Variants in ELMO1 observed in about 807,000 individuals in gnomAD.
ELMO1 encodes engulfment and cell motility 1.
ELMO1 carries 26 observed loss-of-function variants against 98.9 expected under a neutral mutation model. That is an observed-to-expected ratio of 0.26 (90% CI 0.19 to 0.36). The LOEUF (loss-of-function observed/expected upper bound fraction) is 0.36, where lower values mean the gene tolerates loss of function less well. Ranked by LOEUF, ELMO1 falls within the 10% of genes least tolerant of loss-of-function variation. ELMO1 has a pLI of 1.00. For missense variants in ELMO1, 627 were observed against 935.2 expected (o/e 0.67, Z 4.30); for synonymous variants, 346 against 346.0 (o/e 1.00, Z 0.00).
intron 1 of ELMO1, among the ~76,000 whole-genome samples, chr7:37,370,192 G>A (rs971656867): frequency 6.6e-6 from 1 of 152,150 alleles, no homozygotes; most frequent in African/African-American, 2.4e-5. Context: ...TCACAATGCG[G>A]CTCTGCCCTT....
intron 16 of ELMO1, among the ~76,000 whole-genome samples, chr7:36,910,906 AT>A (rs1173044983): frequency 1.3e-5 from 2 of 152,006 alleles, no homozygotes; most frequent in Non-Finnish European, 2.9e-5. Flanking sequence ...ACCTCTCTGT[AT>A]TTTTCCCCCA....
chr7:36,973,852 G>C (rs1030505576), intron 16 of ELMO1, among the ~76,000 whole-genome samples: 2 of 152,238 alleles, frequency 1.3e-5, no homozygotes, highest in Non-Finnish European at 1.5e-5. Flanking sequence ...CGGCCCTGCC[G>C]TTGCCGAGCA....
At chr7:37,112,320 A>C (rs557816384) in intron 14 of ELMO1, among the ~76,000 whole-genome samples, 15 of 152,258 alleles carry the variant, frequency 9.9e-5, no homozygotes, top group African/African-American at 3.4e-4. Context: ...AAAACTAATG[A>C]AAGAGGAGCC....
intron 18 of ELMO1, among the ~76,000 whole-genome samples, chr7:36,883,595 C>T (rs2129048429): frequency 6.6e-6 from 1 of 152,056 alleles, no homozygotes; most frequent in East Asian, 1.9e-4. Flanking sequence ...GTGGCACCTC[C>T]TCCTCCCTCT....
intron 4 of ELMO1, among the ~76,000 whole-genome samples, chr7:37,289,240 TCC>T (rs1797552793): frequency 6.6e-6 from 1 of 152,156 alleles, no homozygotes; most frequent in Non-Finnish European, 1.5e-5. Context: ...AACAACCCCT[TCC>T]CCTCTCTCAC....
intron 4 of ELMO1, among the ~76,000 whole-genome samples, chr7:37,277,632 G>T (rs553612897): frequency 6.6e-6 from 1 of 152,136 alleles, no homozygotes; most frequent in Non-Finnish European, 1.5e-5. Context: ...CAATATGGCC[G>T]GCATATCTGT....
intron 16 of ELMO1, among the ~76,000 whole-genome samples, chr7:36,916,207 A>C (rs1031314078): frequency 6.6e-6 from 1 of 152,170 alleles, no homozygotes. Context: ...TAATTTAGGT[A>C]ATTCTTTTGG....
At chr7:37,385,409 CACA>C (rs374215194) in intron 1 of ELMO1, among the ~76,000 whole-genome samples, 129 of 152,308 alleles carry the variant, frequency 8.5e-4, no homozygotes, top group African/African-American at 3.0e-3. Flanking sequence ...TTCAGCTGCC[CACA>C]ACATTTCCCG....
intron 5 of ELMO1, among the ~76,000 whole-genome samples, chr7:37,261,881 C>T (rs1340487696): frequency 1.3e-5 from 2 of 152,182 alleles, no homozygotes; most frequent in Non-Finnish European, 2.9e-5. Flanking sequence ...GGATTACAGG[C>T]GTGAGCCACC....
intron 13 of ELMO1, among the ~76,000 whole-genome samples, chr7:37,187,610 A>G (rs1791294099): frequency 6.7e-6 from 1 of 149,296 alleles, no homozygotes; most frequent in South Asian, 2.1e-4. Flanking sequence ...TACTATAGAT[A>G]TTACTATAAC....
intron 4 of ELMO1, among the ~76,000 whole-genome samples, chr7:37,290,790 G>A (rs2130949743): frequency 6.6e-6 from 1 of 152,184 alleles, no homozygotes; most frequent in East Asian, 1.9e-4. Context: ...ATTCTAATGG[G>A]ATTTGACAAG....
intron 21 of ELMO1, among the ~76,000 whole-genome samples, chr7:36,861,135 T>C (rs532702042): frequency 6.6e-6 from 1 of 152,360 alleles, no homozygotes; most frequent in Non-Finnish European, 1.5e-5. Flanking sequence ...ATTTTAAATA[T>C]AGCTGACAGC....
At chr7:37,108,254 C>T (rs1468105057) in intron 14 of ELMO1, among the ~76,000 whole-genome samples, 1 of 152,176 alleles carries the variant, frequency 6.6e-6, no homozygotes, top group African/African-American at 2.4e-5. Flanking sequence ...GGATCTCCCT[C>T]TGGTACAGCT....
At chr7:37,068,527 T>C (rs1464342819) in intron 15 of ELMO1, among the ~76,000 whole-genome samples, 2 of 152,196 alleles carry the variant, frequency 1.3e-5, no homozygotes, top group Non-Finnish European at 2.9e-5. Flanking sequence ...TTAAGGCAGA[T>C]GAATTTTAGC....
At chr7:37,011,483 CATA>C (rs1298511099) in intron 16 of ELMO1, among the ~76,000 whole-genome samples, 3 of 152,204 alleles carry the variant, frequency 2.0e-5, no homozygotes, top group Admixed American at 1.3e-4. Flanking sequence ...GCAGAACTTT[CATA>C]ATATTTTCTA....
In ELMO1 at chr7:37,342,842, T is replaced by A. The variant is rs1214094517; in HGVS notation, c.-73-79A>T. On this transcript the variant is annotated intron_variant, in intron 1 of 21. Transcript: ENST00000310758. This position sits in a 1 kb window ranked among gnomAD's most constrained non-coding sequence, Gnocchi z 4.3. ...TGAATTTTGCTTCATCACTTCCTGT[T>A]TTCACTGGTGGTTTGGTATGAAAAA... 2 of 676,474 alleles carry A rather than the reference T, an allele frequency of 3.0e-6. No homozygotes were observed. Among genetic ancestry groups the A allele is most frequent in the East Asian group, 6.2e-5 (2 of 32,364 alleles). 41.9% of individuals were successfully genotyped at this position (676,474 alleles called of 1,614,324 possible).
At chr7:37,005,819 C>T (rs1017370326) in intron 16 of ELMO1, among the ~76,000 whole-genome samples, 1 of 151,452 alleles carries the variant, frequency 6.6e-6, no homozygotes, top group Non-Finnish European at 1.5e-5. Context: ...TTTTCCTTTT[C>T]AGAGGCATTT....
rs1486694290 is a variant in ELMO1 at position 37,096,618 on chromosome 7, C to T, written c.1300+1G>A. 3.7e-6 allele frequency: 6 copies of T among 1,613,668 alleles called. No homozygotes were observed. Among genetic ancestry groups the T allele is most frequent in the Non-Finnish European group, 4.2e-6 (5 of 1,179,614 alleles). ...CCCATGTGGGAAATAAGTATACTTA[C>T]GCAACTCGCCCACTTTCAAGATCTC... On this transcript the variant is annotated splice_donor_variant, in intron 15 of 21. Coordinates refer to ENST00000310758, the MANE Select transcript of ELMO1 (RefSeq NM_014800.11). LOFTEE classifies it high-confidence loss of function.
At chr7:37,445,137 G>T (rs925591559) in intron 1 of ELMO1, among the ~76,000 whole-genome samples, 2 of 152,132 alleles carry the variant, frequency 1.3e-5, no homozygotes, top group Non-Finnish European at 2.9e-5. Flanking sequence ...TAAACTGCTG[G>T]TCTTGGCCTA....
Sources: allele counts gnomAD v4.1 joint callset (sites outside exome capture counted in the v4.1 genomes callset), GRCh38; gene constraint gnomAD v4.1.1; non-coding constraint Gnocchi (gnomAD v3.1); transcripts MANE v1.5; gene names NCBI Gene and HGNC (gene_info 2026-07-23, HGNC 2026-07-21).